The following ZNF679 variants were observed in gnomAD, a reference collection of about 807,000 sequenced individuals.
ZNF679 encodes the protein hypothetical protein MGC42415.
In ZNF679, 10 loss-of-function variants were observed where a neutral mutation model predicts 13.4. That is an observed-to-expected ratio of 0.75 (90% CI 0.46 to 1.27). ZNF679 has a LOEUF of 1.27. Among genes scored for constraint, ZNF679 ranks in the 50% most tolerant of loss-of-function variants. ZNF679 has a pLI of 0.00. For synonymous variants in ZNF679, 179 were observed against 162.5 expected (o/e 1.10, Z -0.77); for missense variants, 525 against 477.8 (o/e 1.10, Z -0.92).
intron 4 of ZNF679, 106 bp downstream of exon 4, chr7:64,261,035 A>G: frequency 1.7e-6 from 2 of 1,198,508 alleles, no homozygotes; most frequent in Non-Finnish European, 2.3e-6. Flanking sequence ...CCATGGAAAG[A>G]GTTTCTAAGA....
At chr7:64,236,062 C>T (rs908079442) in intron 1 of ZNF679, among the ~76,000 whole-genome samples, 1 of 151,714 alleles carries the variant, frequency 6.6e-6, no homozygotes, top group Non-Finnish European at 1.5e-5. Flanking sequence ...GTCAGGAGTT[C>T]AAGACCAGCC....
In ZNF679 at chr7:64,258,096, C is replaced by G. The variant is rs565922942; in HGVS notation, c.40-2125C>G. Among the ~76,000 whole-genome samples the G allele has an allele frequency of 1.9e-3, 280 of 148,938 alleles. 2 individuals carry two copies. Among genetic ancestry groups the G allele is most frequent in the Non-Finnish European group, 3.1e-3 (208 of 66,820 alleles). Reference sequence around the variant, plus strand: ...TTCGTGCTCCCATTACTGTAAAGAACATTGCTGGAGTCTGATAGGGGAGGG... The same window carrying G: ...TTCGTGCTCCCATTACTGTAAAGAAGATTGCTGGAGTCTGATAGGGGAGGG... On this transcript the variant is annotated intron_variant, in intron 2 of 4. Coordinates refer to ENST00000421025, the MANE Select transcript of ZNF679 (RefSeq NM_153363.3).
intron 2 of ZNF679, among the ~76,000 whole-genome samples, chr7:64,256,653 A>G (rs1221265703): frequency 6.7e-6 from 1 of 149,130 alleles, no homozygotes; most frequent in East Asian, 2.0e-4. Context: ...TATTTTATCT[A>G]TCATATTAAT....
At chr7:64,257,491 C>CAA (rs149554793) in intron 2 of ZNF679, among the ~76,000 whole-genome samples, 1 of 151,966 alleles carries the variant, frequency 6.6e-6, no homozygotes. Flanking sequence ...GCTCTTAATC[C>CAA]AAATGCTAAA....
intron 1 of ZNF679, among the ~76,000 whole-genome samples, chr7:64,236,983 G>GAAAGAAAGAAAGAAAGAA (rs1562840404): frequency 1.5e-5 from 1 of 65,508 alleles, no homozygotes; most frequent in Non-Finnish European, 3.0e-5. Context: ...GAAAAAGAAA[G>GAAAGAAAGAAAGAAAGAA]AAAGAAAGAA....
intron 1 of ZNF679, among the ~76,000 whole-genome samples, chr7:64,236,405 A>G (rs1787711877): frequency 2.0e-5 from 3 of 152,024 alleles, no homozygotes; most frequent in African/African-American, 7.2e-5. Flanking sequence ...GTTTGTATTT[A>G]GGCACCAGAG....
chr7:64,258,758 C>T (rs1236267451), intron 2 of ZNF679, among the ~76,000 whole-genome samples: 4 of 150,514 alleles, frequency 2.7e-5, no homozygotes, highest in Non-Finnish European at 4.4e-5. Flanking sequence ...GTGTTCGGAA[C>T]ATGCATATGT....
At chr7:64,237,001 A>AAGAAAGAAAGAAAAAG (rs149813028) in intron 1 of ZNF679, among the ~76,000 whole-genome samples, 1 of 77,844 alleles carries the variant, frequency 1.3e-5, no homozygotes, top group Non-Finnish European at 2.3e-5. Flanking sequence ...GAAAGAAAGA[A>AAGAAAGAAAGAAAAAG]AAAGAAAGAA....
intron 2 of ZNF679, among the ~76,000 whole-genome samples, chr7:64,256,998 T>C (rs1247242536): frequency 6.6e-6 from 1 of 152,144 alleles, no homozygotes; most frequent in East Asian, 1.9e-4. Flanking sequence ...GCCTGGCCTG[T>C]TAAACTTTTT....
chr7:64,263,632 T>C (rs994060416), intron 4 of ZNF679, among the ~76,000 whole-genome samples: 3 of 152,120 alleles, frequency 2.0e-5, no homozygotes, highest in African/African-American at 7.2e-5. Context: ...CCTCTATTAA[T>C]TCACATGAGA....
intron 3 of ZNF679, among the ~76,000 whole-genome samples, 181 bp downstream of exon 3, chr7:64,260,528 C>T (rs1788062948): frequency 6.6e-6 from 1 of 152,210 alleles, no homozygotes; most frequent in South Asian, 2.1e-4. Flanking sequence ...GAACTTTTCC[C>T]TTTCCTGAGC....
chr7:64,251,538 T>G (rs1787944444), intron 2 of ZNF679, among the ~76,000 whole-genome samples: 1 of 152,030 alleles, frequency 6.6e-6, no homozygotes, highest in South Asian at 2.1e-4. Context: ...TTCTTTTGTC[T>G]TGTTCAAGCT....
At chr7:64,260,074 T>C in intron 2 of ZNF679, 147 bp from the exon 3 acceptor site, 1 of 601,520 alleles carries the variant, frequency 1.7e-6, no homozygotes, top group Non-Finnish European at 2.8e-6. Flanking sequence ...TTAAAAATTA[T>C]CATTGAATAA....
chr7:64,253,052 T>C (rs1024794299), intron 2 of ZNF679, among the ~76,000 whole-genome samples: 2 of 152,180 alleles, frequency 1.3e-5, no homozygotes, highest in African/African-American at 4.8e-5. Context: ...ATGATAACTT[T>C]ATGAGATGGG....
intron 1 of ZNF679, among the ~76,000 whole-genome samples, chr7:64,232,082 G>C (rs973843777): frequency 6.6e-6 from 1 of 152,226 alleles, no homozygotes; most frequent in African/African-American, 2.4e-5. Flanking sequence ...TTGTCCAAGA[G>C]CTGAGGCAGG....
chr7:64,229,400 G>T (rs1048847184), intron 1 of ZNF679, among the ~76,000 whole-genome samples: 6 of 152,258 alleles, frequency 3.9e-5, no homozygotes, highest in Middle Eastern at 3.4e-3. Context: ...ACAACACTGT[G>T]CCTGTGAGTT....
intron 1 of ZNF679, among the ~76,000 whole-genome samples, chr7:64,236,420 G>T (rs1787712329): frequency 6.6e-6 from 1 of 151,736 alleles, no homozygotes; most frequent in Non-Finnish European, 1.5e-5. Flanking sequence ...CCAGAGGTGT[G>T]GTTTTGAGTT....
At chr7:64,249,279 CT>C in intron 2 of ZNF679, 123 bp downstream of exon 2, 6 of 1,526,536 alleles carry the variant, frequency 3.9e-6, no homozygotes, top group Non-Finnish European at 5.4e-6. Flanking sequence ...CCAAATCCTC[CT>C]TGGCCCAGGT....
intron 1 of ZNF679, among the ~76,000 whole-genome samples, chr7:64,247,354 C>T (rs1289458754): frequency 6.6e-6 from 1 of 152,188 alleles, no homozygotes; most frequent in Non-Finnish European, 1.5e-5. Context: ...GTTCAAACGC[C>T]TCTGACATGG....
Sources: allele counts gnomAD v4.1 joint callset (sites outside exome capture counted in the v4.1 genomes callset), GRCh38; gene constraint gnomAD v4.1.1; transcripts MANE v1.5; gene names NCBI Gene and HGNC (gene_info 2026-07-23, HGNC 2026-07-21).